RABGAP1L: variants seen among roughly 807,000 people sequenced by gnomAD.
RABGAP1L encodes the protein RAB GTPase activating protein 1 like.
Under a neutral mutation model 137.7 loss-of-function variants are expected in RABGAP1L, and 63 were observed. The ratio of observed to expected loss-of-function variants is 0.46; its 90% CI spans 0.37 to 0.56. The LOEUF is 0.56. Among genes scored for constraint, RABGAP1L ranks in the 20% least tolerant of loss-of-function variants. The probability of loss-of-function intolerance (pLI) is 0.00; values close to 1 mark genes in which losing one functional copy is unlikely to be tolerated. For synonymous variants in RABGAP1L, 431 were observed against 433.7 expected (o/e 0.99, Z 0.08); for missense variants, 1,095 against 1,244.0 (o/e 0.88, Z 1.80).
intron 13 of RABGAP1L, among the ~76,000 whole-genome samples, chr1:174,423,587 A>G (rs1267846939): frequency 6.6e-6 from 1 of 152,196 alleles, no homozygotes; most frequent in Non-Finnish European, 1.5e-5. Flanking sequence ...CAAAAGGGCT[A>G]TTTACATGCT....
At chr1:174,330,734 GAATT>G (rs1207053640) in intron 11 of RABGAP1L, among the ~76,000 whole-genome samples, 1 of 152,122 alleles carries the variant, frequency 6.6e-6, no homozygotes, top group Non-Finnish European at 1.5e-5. Flanking sequence ...TGGATGGTAA[GAATT>G]AATATTTTTA....
chr1:174,435,799 T>G (rs1653204906), intron 13 of RABGAP1L, among the ~76,000 whole-genome samples: 1 of 132,596 alleles, frequency 7.5e-6, no homozygotes, highest in Non-Finnish European at 1.5e-5. Context: ...ATGCTATCCC[T>G]CCCCTCTCCC....
At chr1:174,606,708 C>A (rs187896705) in intron 13 of RABGAP1L, among the ~76,000 whole-genome samples, 2 of 152,296 alleles carry the variant, frequency 1.3e-5, no homozygotes, top group African/African-American at 4.8e-5. Flanking sequence ...TTCTGTGCCT[C>A]ACAGGCTTAG....
chr1:174,534,131 T>A (rs1664676543), intron 13 of RABGAP1L, among the ~76,000 whole-genome samples: 1 of 126,308 alleles, frequency 7.9e-6, no homozygotes, highest in Non-Finnish European at 1.6e-5. Context: ...AGAGGTCAAC[T>A]CTGTGTGTGT....
chr1:174,530,216 A>G (rs1664267702), intron 13 of RABGAP1L, among the ~76,000 whole-genome samples: 1 of 151,824 alleles, frequency 6.6e-6, no homozygotes, highest in African/African-American at 2.4e-5. Flanking sequence ...CCTCAGTCCC[A>G]GTGGTGCTTG....
chr1:174,532,499 G>A (rs547357283), intron 13 of RABGAP1L, among the ~76,000 whole-genome samples: 3 of 152,228 alleles, frequency 2.0e-5, no homozygotes, highest in African/African-American at 4.8e-5. Flanking sequence ...GAGCCACTGC[G>A]CTCAGCCAGA....
intron 18 of RABGAP1L, among the ~76,000 whole-genome samples, chr1:174,803,078 C>A (rs1012768749): frequency 2.0e-5 from 3 of 151,816 alleles, no homozygotes; most frequent in African/African-American, 2.4e-5. Flanking sequence ...ATCATAAAAC[C>A]AGTCATTTTT....
At chr1:174,172,614 T>TC (rs1665510500) in intron 1 of RABGAP1L, among the ~76,000 whole-genome samples, 1 of 152,212 alleles carries the variant, frequency 6.6e-6, no homozygotes, top group Non-Finnish European at 1.5e-5. Context: ...TTCAGTGCTT[T>TC]TTCATATACC....
At chr1:174,177,593 C>T (rs1665993057) in intron 1 of RABGAP1L, among the ~76,000 whole-genome samples, 1 of 152,100 alleles carries the variant, frequency 6.6e-6, no homozygotes, top group African/African-American at 2.4e-5. Context: ...AGGTTTTTTC[C>T]TAGGGTTATT....
chr1:174,426,008 G>T (rs891602606), intron 13 of RABGAP1L, among the ~76,000 whole-genome samples: 1 of 151,930 alleles, frequency 6.6e-6, no homozygotes, highest in Non-Finnish European at 1.5e-5. Context: ...GTTGAATATC[G>T]TTGTAATTAC....
At chr1:174,551,001 T>TATATATATATATATATATAC (rs1666484080) in intron 13 of RABGAP1L, among the ~76,000 whole-genome samples, 3 of 95,884 alleles carry the variant, frequency 3.1e-5, no homozygotes, top group African/African-American at 5.2e-5. Context: ...TATATACACA[T>TATATATATATATATATATAC]ATATATATAT....
At chr1:174,856,235 A>C (rs2149003140) in intron 19 of RABGAP1L, among the ~76,000 whole-genome samples, 1 of 152,200 alleles carries the variant, frequency 6.6e-6, no homozygotes, top group Non-Finnish European at 1.5e-5. Context: ...TCTCTACTAA[A>C]ACTACAAAAA....
At chr1:174,188,306 CAG>C (rs1666958920) in intron 1 of RABGAP1L, among the ~76,000 whole-genome samples, 1 of 152,220 alleles carries the variant, frequency 6.6e-6, no homozygotes, top group Non-Finnish European at 1.5e-5. Context: ...ATTTCTCTAA[CAG>C]AAATTATTTT....
chr1:174,897,397 G>A (rs1657386751), intron 19 of RABGAP1L: 1 of 152,182 alleles, frequency 6.6e-6, no homozygotes, highest in Admixed American at 6.5e-5. Context: ...TATTAAACGT[G>A]TGAAAATCGT....
At chr1:174,674,717 G>A (rs1044992956) in intron 14 of RABGAP1L, among the ~76,000 whole-genome samples, 4 of 151,610 alleles carry the variant, frequency 2.6e-5, no homozygotes, top group Admixed American at 6.6e-5. Context: ...GTGTAAAAGT[G>A]TTCCTATTTC....
chr1:174,858,050 C>G (rs535961704), intron 19 of RABGAP1L, among the ~76,000 whole-genome samples: 126 of 152,228 alleles, frequency 8.3e-4, no homozygotes, highest in African/African-American at 2.9e-3. Flanking sequence ...TAGGCAGGGT[C>G]TCACTTTGTA....
chr1:174,722,359 T>G (rs1395148825), intron 17 of RABGAP1L, among the ~76,000 whole-genome samples: 1 of 152,244 alleles, frequency 6.6e-6, no homozygotes, highest in Non-Finnish European at 1.5e-5. Context: ...ATTGTTTTGT[T>G]ATATGTAAGA....
rs977221569 is a variant in RABGAP1L at position 174,231,236 on chromosome 1, G to A, written c.423G>A (p.Lys141=). ...AACTGACCTACTTAGGATGTATGAA[G>A]GTTTCTTCCCCACGTAATGAAGTAG... ...FNKLTYLGCM[K]VSSPRNEVEA... is the part of the protein sequence containing the mutation. Residue 141 remains lysine (K), a synonymous_variant, in exon 4 of 26, where the codon AAG becomes AAA. Coordinates refer to ENST00000681986, the MANE Select transcript of RABGAP1L (RefSeq NM_001366446.1). 6.2e-7 allele frequency: 1 copy of A among 1,613,788 alleles called. No homozygotes were observed. Among genetic ancestry groups the A allele is most frequent in the Admixed American group, 1.7e-5 (1 of 59,980 alleles).
intron 11 of RABGAP1L, among the ~76,000 whole-genome samples, chr1:174,317,268 A>G (rs1185618107): frequency 6.6e-6 from 1 of 152,038 alleles, no homozygotes; most frequent in Non-Finnish European, 1.5e-5. Context: ...ATCGGAAGCC[A>G]GCAAGTCTCA....
Sources: gnomAD v4.1 joint callset for allele counts (sites outside exome capture counted in the v4.1 genomes callset) on GRCh38, gnomAD v4.1.1 for gene constraint, MANE v1.5 for transcripts, NCBI Gene and HGNC (gene_info 2026-07-23, HGNC 2026-07-21) for gene names.